The following ZEB1 variants were observed in gnomAD, a reference collection of about 807,000 sequenced individuals.
The protein encoded by ZEB1 is zinc finger E-box binding homeobox 1.
A neutral mutation model predicts 84.9 loss-of-function variants in ZEB1; 21 were observed. The observed-to-expected ratio is 0.25, with a 90% CI of 0.18 to 0.36. The LOEUF (loss-of-function observed/expected upper bound fraction) is 0.36, where lower values mean the gene tolerates loss of function less well. Ranked by LOEUF, ZEB1 falls within the 10% of genes least tolerant of loss-of-function variation. ZEB1 has a pLI of 1.00. For synonymous variants in ZEB1, 420 were observed against 471.1 expected, an observed-to-expected ratio of 0.89 and a Z score of 1.41; for missense variants, 1,104 against 1,330.2, an observed-to-expected ratio of 0.83 and a Z score of 2.65.
chr10:31,477,638 T>C (rs1243322764), intron 2 of ZEB1, among the ~76,000 whole-genome samples: 1 of 151,942 alleles, frequency 6.6e-6, no homozygotes, highest in Non-Finnish European at 1.5e-5. Context: ...ATGTTACTGA[T>C]ATCGTGATAC....
At chr10:31,400,723 T>G (rs1267945583) in intron 1 of ZEB1, among the ~76,000 whole-genome samples, 1 of 152,132 alleles carries the variant, frequency 6.6e-6, no homozygotes, top group African/African-American at 2.4e-5. Flanking sequence ...GTTCTGTGTC[T>G]TATAAGTTTT....
intron 1 of ZEB1, among the ~76,000 whole-genome samples, chr10:31,322,354 G>A (rs1399990986): frequency 6.6e-6 from 1 of 152,176 alleles, no homozygotes; most frequent in Non-Finnish European, 1.5e-5. Context: ...TTTTAATGAA[G>A]AAATATGTGA....
At chr10:31,385,144 A>C (rs954574715) in intron 1 of ZEB1, among the ~76,000 whole-genome samples, 2 of 152,186 alleles carry the variant, frequency 1.3e-5, no homozygotes, top group African/African-American at 4.8e-5. Flanking sequence ...TGAAATGTGG[A>C]AAGGTTTTTA....
intron 1 of ZEB1, 65 bp downstream of exon 1, chr10:31,319,357 G>C: frequency 1.3e-6 from 2 of 1,519,718 alleles, no homozygotes; most frequent in Non-Finnish European, 1.8e-6. Flanking sequence ...GGGCGCCCCC[G>C]GGGGTGAGGG....
At chr10:31,436,455 G>A (rs1030201471) in intron 1 of ZEB1, among the ~76,000 whole-genome samples, 1 of 151,964 alleles carries the variant, frequency 6.6e-6, no homozygotes, top group African/African-American at 2.4e-5. Flanking sequence ...GCTGTCTTTG[G>A]AGAGACAGCA....
intron 1 of ZEB1, among the ~76,000 whole-genome samples, chr10:31,335,581 T>C (rs1472727314): frequency 1.3e-5 from 2 of 152,176 alleles, no homozygotes; most frequent in Non-Finnish European, 2.9e-5. Context: ...GATAAAACTC[T>C]TAGCAAGTCA....
intron 2 of ZEB1, among the ~76,000 whole-genome samples, chr10:31,475,424 C>G (rs1255973136): frequency 6.6e-6 from 1 of 152,024 alleles, no homozygotes; most frequent in Non-Finnish European, 1.5e-5. Flanking sequence ...ATGTAGACAT[C>G]AAGATACAAG....
chr10:31,411,255 G>C (rs982131700), intron 1 of ZEB1, among the ~76,000 whole-genome samples: 2 of 152,156 alleles, frequency 1.3e-5, no homozygotes, highest in Non-Finnish European at 2.9e-5. Context: ...ACCTGCTCCT[G>C]AATGACTACT....
At chr10:31,466,806 T>C (rs1378107332) in intron 2 of ZEB1, among the ~76,000 whole-genome samples, 2 of 151,876 alleles carry the variant, frequency 1.3e-5, no homozygotes, top group African/African-American at 2.4e-5. Context: ...ATACAAAAGA[T>C]CAACAAAACT....
intron 1 of ZEB1, among the ~76,000 whole-genome samples, chr10:31,438,672 TA>T (rs900094567): frequency 4.0e-4 from 60 of 150,494 alleles, no homozygotes; most frequent in African/African-American, 1.3e-3. Flanking sequence ...CCTGTCTCTA[TA>T]AAAAAAAAAT....
intron 2 of ZEB1, among the ~76,000 whole-genome samples, chr10:31,471,690 T>G (rs1020415191): frequency 1.4e-5 from 2 of 147,068 alleles, no homozygotes; most frequent in Admixed American, 6.7e-5. Flanking sequence ...GGAATTGAAC[T>G]CAGCTCTGCA....
chr10:31,428,905 C>T (rs907460362), intron 1 of ZEB1, among the ~76,000 whole-genome samples: 3 of 151,906 alleles, frequency 2.0e-5, no homozygotes, highest in Non-Finnish European at 4.4e-5. Context: ...TTTTGTTTTC[C>T]GTTAGCTTGG....
chr10:31,443,696 AATG>A (rs2059354984), intron 1 of ZEB1, among the ~76,000 whole-genome samples: 1 of 150,152 alleles, frequency 6.7e-6, no homozygotes, highest in African/African-American at 2.5e-5. Flanking sequence ...GTTTACTGAG[AATG>A]ATGATTTCCA....
At chr10:31,512,203 A>G (rs1592008087) in intron 5 of ZEB1, among the ~76,000 whole-genome samples, 2 of 152,294 alleles carry the variant, frequency 1.3e-5, no homozygotes, top group East Asian at 3.9e-4. Flanking sequence ...TTCAGGAAGC[A>G]GACCCATCCT....
intron 1 of ZEB1, among the ~76,000 whole-genome samples, chr10:31,337,836 C>A (rs1205770201): frequency 6.6e-6 from 1 of 151,956 alleles, no homozygotes; most frequent in Non-Finnish European, 1.5e-5. Flanking sequence ...AGGCACCCAC[C>A]ACCACGCTGG....
chr10:31,456,697 A>G (rs1228060604), intron 1 of ZEB1, among the ~76,000 whole-genome samples: 1 of 152,148 alleles, frequency 6.6e-6, no homozygotes, highest in Non-Finnish European at 1.5e-5. Context: ...CAGACAGGCT[A>G]CTTAGGTACT....
intron 1 of ZEB1, among the ~76,000 whole-genome samples, chr10:31,399,798 C>A (rs1271008980): frequency 3.9e-5 from 6 of 152,188 alleles, no homozygotes; most frequent in African/African-American, 1.4e-4. Context: ...GTGCTCTGGG[C>A]TGTCATTCCC....
At chr10:31,319,516 T>G in intron 1 of ZEB1, 1 of 560,420 alleles carries the variant, frequency 1.8e-6, no homozygotes, top group Non-Finnish European at 3.1e-6. Flanking sequence ...GTCTCTTACC[T>G]GGTCTCTCTC....
At chr10:31,367,756 T>C (rs532877825) in intron 1 of ZEB1, among the ~76,000 whole-genome samples, 1 of 152,140 alleles carries the variant, frequency 6.6e-6, no homozygotes, top group Non-Finnish European at 1.5e-5. Flanking sequence ...AATTGAAGTA[T>C]CAATATGCTG....
Sources: gnomAD v4.1 joint callset for allele counts (sites outside exome capture counted in the v4.1 genomes callset) on GRCh38, gnomAD v4.1.1 for gene constraint, MANE v1.5 for transcripts, NCBI Gene and HGNC (gene_info 2026-07-23, HGNC 2026-07-21) for gene names.